GMDS: variants seen among roughly 807,000 people sequenced by gnomAD.
GMDS encodes GDP-mannose 4,6-dehydratase.
GMDS carries 20 observed loss-of-function variants against 49.9 expected under a neutral mutation model. That is an observed-to-expected ratio of 0.40 (90% CI 0.28 to 0.58). GMDS has a LOEUF of 0.58. GMDS is among the 20% of genes least tolerant of loss of function. GMDS has a pLI of 0.42. For synonymous variants in GMDS, 177 were observed against 178.6 expected (o/e 0.99, Z 0.07); for missense variants, 362 against 481.4 (o/e 0.75, Z 2.32).
chr6:1,978,312 C>A (rs537666639), intron 4 of GMDS, among the ~76,000 whole-genome samples: 16 of 152,084 alleles, frequency 1.1e-4, no homozygotes, highest in Non-Finnish European at 2.4e-4. Context: ...CATGCCCAAG[C>A]GCATGTATTA....
chr6:1,973,345 T>C (rs9405156), intron 4 of GMDS, among the ~76,000 whole-genome samples: 64,295 of 152,092 alleles, frequency 0.42, 13,847 homozygotes, highest in Non-Finnish European at 0.47. Flanking sequence ...ATCTGAGTTA[T>C]TTTGATCATA....
At chr6:1,974,827 T>C (rs561757171) in intron 4 of GMDS, among the ~76,000 whole-genome samples, 2 of 149,866 alleles carry the variant, frequency 1.3e-5, no homozygotes, top group South Asian at 4.2e-4. Flanking sequence ...GGTCAGGAGT[T>C]CAAGACCAGC....
intron 2 of GMDS, among the ~76,000 whole-genome samples, chr6:2,123,621 C>T (rs1185380931): frequency 1.3e-5 from 2 of 152,234 alleles, no homozygotes; most frequent in Admixed American, 6.5e-5. Flanking sequence ...TTGTACTATA[C>T]ATAACCTACT....
At chr6:1,721,359 T>C (rs558030051) in intron 9 of GMDS, among the ~76,000 whole-genome samples, 1 of 152,182 alleles carries the variant, frequency 6.6e-6, no homozygotes, top group Admixed American at 6.5e-5. Flanking sequence ...CTATAAAGAT[T>C]AGGAATAAAT....
intron 7 of GMDS, among the ~76,000 whole-genome samples, chr6:1,920,454 A>G (rs780400826): frequency 1.1e-4 from 16 of 152,268 alleles, no homozygotes; most frequent in Non-Finnish European, 1.8e-4. Flanking sequence ...TGTATAGGAA[A>G]GAGACAGAGC....
At position 1,778,577 on chromosome 6, in the gene GMDS, G is replaced by A. The variant is rs1015396008; in HGVS notation, c.772-35991C>T. The stretch of plus-strand genomic sequence containing the variant: ...AAACATGCCATAAAACAGAAATTTA[G>A]CCCAATGTCTCGAACTGCAGGATTA... On this transcript the variant is annotated intron_variant, in intron 7 of 10. Transcript: ENST00000380815. The surrounding 1 kb of genome is among the most constrained non-coding windows in gnomAD (Gnocchi z 4.6). Among the ~76,000 whole-genome samples the A allele has an allele frequency of 3.3e-5, 5 of 152,250 alleles. No individual in the cohort carries two copies. The highest frequency in any genetic ancestry group is 1.9e-4 in the East Asian group (1 of 5,176).
At chr6:2,046,424 T>C (rs1295760437) in intron 4 of GMDS, among the ~76,000 whole-genome samples, 2 of 152,194 alleles carry the variant, frequency 1.3e-5, no homozygotes, top group African/African-American at 2.4e-5. Flanking sequence ...ACAGTATTAA[T>C]TACACAGGCA....
At chr6:1,960,218 C>G (rs945101543) in intron 5 of GMDS, among the ~76,000 whole-genome samples, 2 of 152,186 alleles carry the variant, frequency 1.3e-5, no homozygotes, top group African/African-American at 4.8e-5. Context: ...TTGATTGAAT[C>G]TTTCTTAGAT....
At chr6:1,975,533 C>A (rs1178403471) in intron 4 of GMDS, among the ~76,000 whole-genome samples, 1 of 152,158 alleles carries the variant, frequency 6.6e-6, no homozygotes, top group African/African-American at 2.4e-5. Flanking sequence ...CAAAGTAGAT[C>A]CTGTCAATGG....
intron 9 of GMDS, among the ~76,000 whole-genome samples, chr6:1,650,307 GA>G (rs35471224): frequency 1.2e-4 from 18 of 147,796 alleles, no homozygotes; most frequent in East Asian, 5.9e-4. Flanking sequence ...TCATGCCCAG[GA>G]AAAAAAAAAC....
At chr6:1,805,027 C>A (rs902422520) in intron 7 of GMDS, among the ~76,000 whole-genome samples, 1 of 152,188 alleles carries the variant, frequency 6.6e-6, no homozygotes, top group African/African-American at 2.4e-5. Flanking sequence ...AGACAGCTAT[C>A]TTACCATCTA....
chr6:1,893,521 T>C (rs1035022209), intron 7 of GMDS, among the ~76,000 whole-genome samples: 3 of 152,210 alleles, frequency 2.0e-5, no homozygotes, highest in African/African-American at 7.2e-5. Flanking sequence ...TGCCGCAACC[T>C]TCTCCATCCT....
chr6:2,002,284 C>T (rs991712401), intron 4 of GMDS, among the ~76,000 whole-genome samples: 14 of 152,170 alleles, frequency 9.2e-5, no homozygotes, highest in Non-Finnish European at 1.9e-4. Flanking sequence ...CTCAGGGCTC[C>T]TTTATCCTAT....
chr6:1,929,593 C>T (rs1762192035), intron 7 of GMDS, among the ~76,000 whole-genome samples: 1 of 152,172 alleles, frequency 6.6e-6, no homozygotes, highest in African/African-American at 2.4e-5. Context: ...ATAGGTAAAG[C>T]TCAACGACAT....
chr6:2,167,771 G>A (rs1349185028), intron 1 of GMDS, among the ~76,000 whole-genome samples: 1 of 151,696 alleles, frequency 6.6e-6, no homozygotes, highest in East Asian at 1.9e-4. Context: ...TTACCTCCTT[G>A]CTCCCATCAC....
At chr6:1,991,532 T>C (rs779725930) in intron 4 of GMDS, among the ~76,000 whole-genome samples, 18 of 152,168 alleles carry the variant, frequency 1.2e-4, no homozygotes, top group Non-Finnish European at 2.6e-4. Flanking sequence ...CCAAGTCCAA[T>C]ACCCTTTCTA....
intron 1 of GMDS, among the ~76,000 whole-genome samples, chr6:2,137,219 A>G (rs1202786966): frequency 3.9e-5 from 6 of 152,188 alleles, no homozygotes; most frequent in African/African-American, 1.2e-4. Context: ...ATGAATTCTA[A>G]TATCTGCCTA....
chr6:2,145,970 TGA>T (rs1279092567), intron 1 of GMDS, among the ~76,000 whole-genome samples: 2 of 152,186 alleles, frequency 1.3e-5, no homozygotes, highest in Non-Finnish European at 2.9e-5. Flanking sequence ...TCATGCATAC[TGA>T]GAGACAACTA....
intron 1 of GMDS, among the ~76,000 whole-genome samples, chr6:2,214,226 G>A (rs997485114): frequency 1.3e-5 from 2 of 152,142 alleles, no homozygotes; most frequent in African/African-American, 2.4e-5. Flanking sequence ...TTGGAAATTG[G>A]TATGAAACCA....
Sources: allele counts gnomAD v4.1 joint callset (sites outside exome capture counted in the v4.1 genomes callset), GRCh38; gene constraint gnomAD v4.1.1; non-coding constraint Gnocchi (gnomAD v3.1); transcripts MANE v1.5; gene names NCBI Gene and HGNC (gene_info 2026-07-23, HGNC 2026-07-21).